ZNF704: variants seen among roughly 807,000 people sequenced by gnomAD.
ZNF704 encodes glucocorticoid induced gene 1.
A neutral mutation model predicts 44.7 loss-of-function variants in ZNF704; 10 were observed. The observed-to-expected ratio is 0.22, with a 90% CI of 0.14 to 0.38. The LOEUF is 0.38. ZNF704 is among the 10% of genes least tolerant of loss of function. ZNF704 has a pLI of 1.00. For missense variants in ZNF704, 390 were observed against 545.5 expected (o/e 0.71, Z 2.84); for synonymous variants, 211 against 207.6 (o/e 1.02, Z -0.14).
At chr8:80,764,574 G>A (rs1807195517) in intron 2 of ZNF704, among the ~76,000 whole-genome samples, 1 of 152,122 alleles carries the variant, frequency 6.6e-6, no homozygotes, top group African/African-American at 2.4e-5. Context: ...GAGATTTTTT[G>A]TGTTTTTCAC....
rs1013867657 is a variant in ZNF704 at position 80,635,376 on chromosome 8, G to A, written c.*5990C>T. ...CTTCACAGTGAAAAATCAAGCACTT[G>A]TTCTTTTTGTTTTGTTTTTTTATTT... On this transcript the variant is annotated 3_prime_UTR_variant, in exon 9 of 9. Transcript: ENST00000327835. 6.6e-5 allele frequency: 10 copies of A among 151,980 alleles called. No homozygotes were observed. Among genetic ancestry groups the A allele is most frequent in the Admixed American group, 2.0e-4 (3 of 15,266 alleles). The allele number at this position is 151,980 out of a possible 1,614,324, so 9.4% of individuals were successfully genotyped here.
At chr8:80,691,319 A>G (rs1440679062) in intron 3 of ZNF704, among the ~76,000 whole-genome samples, 1 of 152,236 alleles carries the variant, frequency 6.6e-6, no homozygotes, top group Non-Finnish European at 1.5e-5. Context: ...ATTACATTTC[A>G]GTGAACTGCA....
intron 2 of ZNF704, among the ~76,000 whole-genome samples, chr8:80,702,858 G>A (rs750737869): frequency 3.9e-5 from 6 of 152,094 alleles, no homozygotes; most frequent in Non-Finnish European, 8.8e-5. Flanking sequence ...GATGTCATCC[G>A]GGATGATGGC....
At position 80,789,624 on chromosome 8, in the gene ZNF704, C is replaced by T. The variant is rs562579754; in HGVS notation, c.221+31750G>A. Among the ~76,000 whole-genome samples, 4 of 152,148 alleles carry T rather than the reference C, an allele frequency of 2.6e-5. No homozygotes were observed. The East Asian group carries it at 7.7e-4, about 29-fold the overall frequency. On this transcript the variant is annotated intron_variant, in intron 2 of 8. Transcript: ENST00000327835. ...AAAATTGGCCAGGTATGCCTGCAGT[C>T]CCAGTTACTCAGAAGGCTTAAGTGG...
intron 2 of ZNF704, among the ~76,000 whole-genome samples, chr8:80,784,494 G>T (rs866945090): frequency 3.3e-5 from 5 of 152,092 alleles, no homozygotes; most frequent in Non-Finnish European, 7.4e-5. Context: ...GTTTCAATTT[G>T]CAATTTCCTA....
chr8:80,869,637 G>C (rs1324265105), intron 1 of ZNF704, among the ~76,000 whole-genome samples: 3 of 152,044 alleles, frequency 2.0e-5, no homozygotes, highest in Non-Finnish European at 2.9e-5. Context: ...CTACATCTTT[G>C]GTTCCTCCCT....
At chr8:80,873,024 T>C (rs927743786) in intron 1 of ZNF704, among the ~76,000 whole-genome samples, 2 of 152,172 alleles carry the variant, frequency 1.3e-5, no homozygotes, top group African/African-American at 4.8e-5. Flanking sequence ...CACAAGCGCC[T>C]GTGATGGAAA....
chr8:80,883,760 T>G, the ZNF704 span, among the ~76,000 whole-genome samples: 7 of 152,354 alleles, frequency 4.6e-5, no homozygotes, highest in South Asian at 1.2e-3. Flanking sequence ...AAAAATTAAA[T>G]GTTTTGAATT....
intron 2 of ZNF704, among the ~76,000 whole-genome samples, chr8:80,816,555 A>C (rs1808179918): frequency 6.6e-6 from 1 of 152,208 alleles, no homozygotes; most frequent in African/African-American, 2.4e-5. Context: ...ATAGGGATCA[A>C]TGAAACTAGT....
rs889494135 is a variant in ZNF704, at chr8:80,641,110, C to T, written c.*256G>A. The T allele has an allele frequency of 2.2e-5, 6 of 277,554 alleles. No homozygotes were observed. The highest frequency in any genetic ancestry group is 1.3e-4 in the African/African-American group (6 of 45,776). The allele number at this position is 277,554 out of a possible 1,614,324, so 17.2% of individuals were successfully genotyped here. ...CTAGACATACAGCAAAAAAAGTTGA[C>T]TTTTCTTTTGAAGGAAAAAAAACTA... On this transcript the variant is annotated 3_prime_UTR_variant, in exon 9 of 9. Transcript: ENST00000327835.
intron 2 of ZNF704, among the ~76,000 whole-genome samples, chr8:80,699,270 C>T (rs1323395761): frequency 6.6e-6 from 1 of 152,076 alleles, no homozygotes; most frequent in Non-Finnish European, 1.5e-5. Context: ...AAATATAAAG[C>T]ACAAAACTTC....
At chr8:80,699,524 A>C (rs1400008065) in intron 2 of ZNF704, among the ~76,000 whole-genome samples, 2 of 152,240 alleles carry the variant, frequency 1.3e-5, no homozygotes, top group East Asian at 3.8e-4. Context: ...AATATACACC[A>C]GTACATCTGA....
chr8:80,785,659 C>T (rs530880930), intron 2 of ZNF704, among the ~76,000 whole-genome samples: 140 of 152,294 alleles, frequency 9.2e-4, no homozygotes, highest in African/African-American at 3.0e-3. Context: ...TCTGTTAGAT[C>T]TTGTGCTCCT....
At chr8:80,672,061 G>GA (rs1007225709) in intron 4 of ZNF704, among the ~76,000 whole-genome samples, 3 of 152,058 alleles carry the variant, frequency 2.0e-5, no homozygotes, top group Admixed American at 6.5e-5. Context: ...AATACAGCTA[G>GA]AAAAAAACAT....
chr8:80,812,351 T>A, intron 2 of ZNF704: 1 of 187,334 alleles, frequency 5.3e-6, no homozygotes, highest in Non-Finnish European at 1.1e-5. Context: ...ACCACATCTC[T>A]CCCAGTTTTT....
At chr8:80,768,536 A>G (rs894552559) in intron 2 of ZNF704, among the ~76,000 whole-genome samples, 1 of 152,178 alleles carries the variant, frequency 6.6e-6, no homozygotes, top group East Asian at 1.9e-4. Context: ...CTTTGAGACA[A>G]CTACTGATTC....
intron 2 of ZNF704, among the ~76,000 whole-genome samples, chr8:80,788,307 C>T (rs1164343746): frequency 1.3e-5 from 2 of 152,106 alleles, no homozygotes; most frequent in East Asian, 3.8e-4. Flanking sequence ...CTTTTAACAA[C>T]AAATCATAAA....
At chr8:80,756,573 T>C (rs1807039816) in intron 2 of ZNF704, among the ~76,000 whole-genome samples, 1 of 152,212 alleles carries the variant, frequency 6.6e-6, no homozygotes, top group South Asian at 2.1e-4. Context: ...TATATGCACT[T>C]CTAGTTGTCA....
At chr8:80,852,655 C>T (rs562880278) in intron 1 of ZNF704, among the ~76,000 whole-genome samples, 3 of 152,290 alleles carry the variant, frequency 2.0e-5, no homozygotes, top group Non-Finnish European at 2.9e-5. Context: ...GCTTGCTGCT[C>T]GTAGGACATT....
Sources: gnomAD v4.1 joint callset for allele counts (sites outside exome capture counted in the v4.1 genomes callset) on GRCh38, gnomAD v4.1.1 for gene constraint, MANE v1.5 for transcripts, NCBI Gene and HGNC (gene_info 2026-07-23, HGNC 2026-07-21) for gene names.